TBX4: variants seen among roughly 807,000 people sequenced by gnomAD.
The protein encoded by TBX4 is T-box transcription factor 4.
TBX4 carries 13 observed loss-of-function variants against 54.6 expected under a neutral mutation model. The observed-to-expected ratio is 0.24, with a 90% CI of 0.15 to 0.38. The LOEUF (loss-of-function observed/expected upper bound fraction) is 0.38. Among genes scored for constraint, TBX4 ranks in the 10% least tolerant of loss-of-function variants. The pLI, the probability that TBX4 is intolerant of heterozygous loss-of-function variation, is 1.00. For synonymous variants in TBX4, 314 were observed against 306.7 expected (o/e 1.02, Z -0.25); for missense variants, 631 against 728.5 (o/e 0.87, Z 1.54).
In TBX4 at chr17:61,462,719, A is replaced by C. The variant is rs1390227462; in HGVS notation, c.282-3100A>C. ...CCTTCTTGGTCACCTCCCCCACCCC[A>C]ACACACAAACAGGGAGGCGTTGCTT... On this transcript the variant is annotated intron_variant, in intron 3 of 8. Transcript: ENST00000644296. The surrounding 1 kb of genome is among the most constrained non-coding windows in gnomAD (Gnocchi z 4.5). Among the ~76,000 whole-genome samples the C allele has an allele frequency of 1.3e-5, 2 of 152,230 alleles. No individual in the cohort carries two copies. Among genetic ancestry groups the C allele is most frequent in the African/African-American group, 2.4e-5 (1 of 41,468 alleles).
intron 5 of TBX4, among the ~76,000 whole-genome samples, chr17:61,469,197 G>C (rs571618910): frequency 6.6e-6 from 1 of 152,364 alleles, no homozygotes; most frequent in South Asian, 2.1e-4. Context: ...AGTGAGAGCA[G>C]AGGGAGTTAA....
chr17:61,473,539 C>T (rs915311125), intron 5 of TBX4, among the ~76,000 whole-genome samples: 2 of 152,218 alleles, frequency 1.3e-5, no homozygotes, highest in African/African-American at 4.8e-5. Flanking sequence ...TTATCTCCCT[C>T]TTTCCTCCTT....
rs1036698533 is a variant in TBX4 at position 61,460,625 on chromosome 17, T to C, written c.281+2994T>C. 2.0e-5 allele frequency among the ~76,000 whole-genome samples: 3 copies of C among 152,140 alleles called. No homozygotes were observed. Among genetic ancestry groups the C allele is most frequent in the African/African-American group, 7.2e-5 (3 of 41,430 alleles). ...TCTGTGTCCAGAGGGTTCGTGCTGA[T>C]AGCCGCAGACAGCAGATCCCTCTCT... On this transcript the variant is annotated intron_variant, in intron 3 of 8. Transcript: ENST00000644296. This position sits in a 1 kb window ranked among gnomAD's most constrained non-coding sequence, Gnocchi z 4.4.
At chr17:61,453,833 T>C (rs986444023) in intron 1 of TBX4, among the ~76,000 whole-genome samples, 4 of 152,146 alleles carry the variant, frequency 2.6e-5, no homozygotes, top group African/African-American at 9.7e-5. Flanking sequence ...TATAAGGATG[T>C]GAGGGAAATT....
Position 61,465,778 on chromosome 17 carries a change from G to C in TBX4, c.282-41G>C. The C allele has an allele frequency of 6.2e-7, 1 of 1,612,580 alleles. No homozygotes were observed. The highest frequency in any genetic ancestry group is 2.2e-5 in the East Asian group (1 of 44,808). Reference sequence around the variant, plus strand: ...CTCACTCTGTTCCATCTCTCCTGGTGCTCTGTCCACACGCTCCGCCTCACC... The same window carrying C: ...CTCACTCTGTTCCATCTCTCCTGGTCCTCTGTCCACACGCTCCGCCTCACC... On this transcript the variant is annotated intron_variant, in intron 3 of 8. Transcript: ENST00000644296. The surrounding 1 kb of genome is among the most constrained non-coding windows in gnomAD (Gnocchi z 4.9).
chr17:61,471,566 A>G (rs1372576062), intron 5 of TBX4, among the ~76,000 whole-genome samples: 1 of 136,982 alleles, frequency 7.3e-6, no homozygotes, highest in Admixed American at 7.2e-5. Flanking sequence ...TTTTGCACAT[A>G]GGCAGAATGT....
Position 61,483,227 on chromosome 17 carries a change from C to A in TBX4, c.1352C>A (p.Thr451Asn), listed in dbSNP as rs376613781. The change falls in exon 9 of 9, where the codon ACC becomes AAC. Residue 451 changes from threonine (T) to asparagine (N), a missense_variant. Transcript: ENST00000644296. The surrounding 1 kb of genome is among the most constrained non-coding windows in gnomAD (Gnocchi z 6.6). ...TTCCCCACGCACTTCACCGCCACCA[C>A]CATGATGCCGCGGCTGCCCACCCTC... ...QPFPTHFTAT[T>N]MMPRLPTLSA... The A allele has an allele frequency of 6.2e-6, 10 of 1,614,102 alleles. No individual in the cohort carries two copies. The highest frequency in any genetic ancestry group is 1.6e-4 in the Middle Eastern group (1 of 6,084).
chr17:61,452,828 AT>A (rs2060423958), intron 1 of TBX4: 1 of 774,290 alleles, frequency 1.3e-6, no homozygotes, highest in African/African-American at 1.9e-5. Flanking sequence ...AACGCGATGA[AT>A]TGGGTCTAGA....
rs1398046867 is a variant in TBX4 at position 61,472,934 on chromosome 17, C to G, written c.549+5277C>G. On this transcript the variant is annotated intron_variant, in intron 5 of 8. Coordinates refer to ENST00000644296, the MANE Select transcript of TBX4 (RefSeq NM_001321120.2). This position sits in a 1 kb window ranked among gnomAD's most constrained non-coding sequence, Gnocchi z 4.5. ...GCCTGTTCACACGCCAGTCTTTTAA[C>G]TGTTGAGACTGGATAATAGGTTTTA... 6.6e-6 allele frequency among the ~76,000 whole-genome samples: 1 copy of G among 152,126 alleles called. No homozygotes were observed. Among genetic ancestry groups the G allele is most frequent in the Non-Finnish European group, 1.5e-5 (1 of 68,040 alleles).
In TBX4 at chr17:61,483,685, C is replaced by T; in HGVS notation, c.*169C>T. On this transcript the variant is annotated 3_prime_UTR_variant, in exon 9 of 9. Transcript: ENST00000644296. The surrounding 1 kb of genome is among the most constrained non-coding windows in gnomAD (Gnocchi z 6.6). Reference sequence around the variant, plus strand: ...GAGCATGTATGTATTTGGAGAGCATCCATCTTCTGACATACAACTGAGGTC... The same window carrying T: ...GAGCATGTATGTATTTGGAGAGCATTCATCTTCTGACATACAACTGAGGTC... 4 of 867,970 alleles carry T rather than the reference C, an allele frequency of 4.6e-6. No individual in the cohort carries two copies. The highest frequency in any genetic ancestry group is 7.2e-6 in the Non-Finnish European group (4 of 556,194). The allele number at this position is 867,970 out of a possible 1,614,324, so 53.8% of individuals were successfully genotyped here.
At chr17:61,453,026 A>G in intron 1 of TBX4, 1 of 974,572 alleles carries the variant, frequency 1.0e-6, no homozygotes, top group Non-Finnish European at 1.2e-6. Flanking sequence ...CCTTTGATGC[A>G]ATAGACTAGT....
rs8079753 is a variant in TBX4, at chr17:61,475,088, G to A, written c.550-3539G>A. Reference sequence around the variant, plus strand: ...CCTTCTTGACTTCTCTATGACCGGGGTTACCCTCACCTAGTGGCTCCCACC... The same window carrying A: ...CCTTCTTGACTTCTCTATGACCGGGATTACCCTCACCTAGTGGCTCCCACC... On this transcript the variant is annotated intron_variant, in intron 5 of 8. Transcript: ENST00000644296. This position sits in a 1 kb window ranked among gnomAD's most constrained non-coding sequence, Gnocchi z 5.0. Among the ~76,000 whole-genome samples the A allele has an allele frequency of 0.19, 29,564 of 152,182 alleles. 3,023 individuals carry two copies. The highest frequency in any genetic ancestry group is 0.21 in the Non-Finnish European group (14,562 of 67,992).
At position 61,462,563 on chromosome 17, in the gene TBX4, G is replaced by T. The variant is rs1198098965; in HGVS notation, c.282-3256G>T. 1.3e-5 allele frequency among the ~76,000 whole-genome samples: 2 copies of T among 151,652 alleles called. No individual in the cohort carries two copies. The highest frequency in any genetic ancestry group is 2.9e-5 in the Non-Finnish European group (2 of 67,830). On this transcript the variant is annotated intron_variant, in intron 3 of 8. Coordinates refer to ENST00000644296, the MANE Select transcript of TBX4 (RefSeq NM_001321120.2). This position sits in a 1 kb window ranked among gnomAD's most constrained non-coding sequence, Gnocchi z 4.5. ...GGAGAGGGTGCAGGGAGGGGAGAGG[G>T]GGAGCGCGCAAGGAGGGGGCTGGCT...
chr17:61,464,446 T>G lies in TBX4; in HGVS notation c.282-1373T>G, dbSNP rs1047514200. The G allele has an allele frequency of 6.6e-6, 1 of 152,346 alleles. No individual in the cohort carries two copies. The highest frequency in any genetic ancestry group is 2.1e-4 in the South Asian group (1 of 4,832). The allele number at this position is 152,346 out of a possible 1,614,324, so 9.4% of individuals were successfully genotyped here. On this transcript the variant is annotated intron_variant, in intron 3 of 8. Coordinates refer to ENST00000644296, the MANE Select transcript of TBX4 (RefSeq NM_001321120.2). This position sits in a 1 kb window ranked among gnomAD's most constrained non-coding sequence, Gnocchi z 5.8. Reference sequence around the variant, plus strand: ...TGCCCCTGGTGACAAAATAGGGGCCTCTGATCAGCTGTTTGTGGCATCTTG... The same window carrying G: ...TGCCCCTGGTGACAAAATAGGGGCCGCTGATCAGCTGTTTGTGGCATCTTG...
rs1439703097 is a variant in TBX4, at chr17:61,479,729, C to G, written c.703-152C>G. 1 of 813,684 alleles carries G rather than the reference C, an allele frequency of 1.2e-6. No homozygotes were observed. Among genetic ancestry groups the G allele is most frequent in the Non-Finnish European group, 2.1e-6 (1 of 479,982 alleles). The allele number at this position is 813,684 out of a possible 1,614,324, so 50.4% of individuals were successfully genotyped here. A position where few individuals can be genotyped will look rare whatever the true frequency, so the allele number is the denominator to read the frequency against. ...GGCCAGAGGCCAGTCCAGTCCCACC[C>G]TCCTCCCCAAGGAGGGTAGTGAGAA... On this transcript the variant is annotated intron_variant, in intron 6 of 8. Coordinates refer to ENST00000644296, the MANE Select transcript of TBX4 (RefSeq NM_001321120.2). This position sits in a 1 kb window ranked among gnomAD's most constrained non-coding sequence, Gnocchi z 6.1.
chr17:61,470,754 A>G lies in TBX4; in HGVS notation c.549+3097A>G, dbSNP rs545267470. ...CTTTGCTTCTGCTGTTCTGCTGGCC[A>G]CAGAAGCTGCCTGCCCACTGTCCCT... On this transcript the variant is annotated intron_variant, in intron 5 of 8. Transcript: ENST00000644296. 2.6e-5 allele frequency among the ~76,000 whole-genome samples: 4 copies of G among 152,284 alleles called. No individual in the cohort carries two copies. The East Asian group carries it at 7.7e-4, about 29-fold the overall frequency.
At chr17:61,471,832 TCTC>T (rs1247395676) in intron 5 of TBX4, among the ~76,000 whole-genome samples, 3 of 151,658 alleles carry the variant, frequency 2.0e-5, no homozygotes, top group Admixed American at 6.6e-5. Flanking sequence ...TTCAATCAAT[TCTC>T]CTGCCTCAGC....
Position 61,461,677 on chromosome 17 carries a change from C to A in TBX4, c.281+4046C>A, listed in dbSNP as rs2143808739. 6.6e-6 allele frequency among the ~76,000 whole-genome samples: 1 copy of A among 152,276 alleles called. No individual in the cohort carries two copies. The highest frequency in any genetic ancestry group is 1.9e-4 in the East Asian group (1 of 5,180). On this transcript the variant is annotated intron_variant, in intron 3 of 8. Coordinates refer to ENST00000644296, the MANE Select transcript of TBX4 (RefSeq NM_001321120.2). This position sits in a 1 kb window ranked among gnomAD's most constrained non-coding sequence, Gnocchi z 5.1. Reference sequence around the variant, plus strand: ...TACAGACTTGCACAAAATAAACACACTCGTGTAACCTTCATCCAGATAAAG... The same window carrying A: ...TACAGACTTGCACAAAATAAACACAATCGTGTAACCTTCATCCAGATAAAG...
intron 5 of TBX4, among the ~76,000 whole-genome samples, chr17:61,471,321 C>CTAT (rs1317969386): frequency 1.3e-5 from 2 of 152,222 alleles, no homozygotes; most frequent in East Asian, 3.8e-4. Context: ...TGTCAGAGCA[C>CTAT]TATGCACCTT....
Sources: allele counts gnomAD v4.1 joint callset (sites outside exome capture counted in the v4.1 genomes callset), GRCh38; gene constraint gnomAD v4.1.1; non-coding constraint Gnocchi (gnomAD v3.1); transcripts MANE v1.5; gene names NCBI Gene and HGNC (gene_info 2026-07-23, HGNC 2026-07-21).